Variants in COPG2 observed in about 807,000 individuals in gnomAD.
COPG2 encodes the protein coat protein complex I subunit gamma 2, also known as coatomer subunit gamma-2.
In COPG2, 37 loss-of-function variants were observed where a neutral mutation model predicts 46.3. The observed-to-expected ratio is 0.80, with a 90% CI of 0.61 to 1.05. The LOEUF (loss-of-function observed/expected upper bound fraction) is 1.05, where lower values mean the gene tolerates loss of function less well. COPG2 is among the 50% of genes least tolerant of loss of function. COPG2 has a pLI of 0.00. For missense variants in COPG2, 427 were observed against 387.8 expected, an observed-to-expected ratio of 1.10 and a Z score of -0.85; for synonymous variants, 159 against 129.7, an observed-to-expected ratio of 1.23 and a Z score of -1.53.
At chr7:130,649,185 A>G (rs553207067) in intron 5 of COPG2, among the ~76,000 whole-genome samples, 1 of 152,300 alleles carries the variant, frequency 6.6e-6, no homozygotes, top group East Asian at 1.9e-4. Context: ...GTGTGAGTGA[A>G]TGCTCTGACC....
At chr7:130,636,530 T>G (rs868991621) in intron 5 of COPG2, among the ~76,000 whole-genome samples, 5 of 142,756 alleles carry the variant, frequency 3.5e-5, no homozygotes, top group African/African-American at 1.3e-4. Flanking sequence ...AGACTAGGAT[T>G]GCAACCGGTT....
chr7:130,655,312 T>C (rs1373134897), intron 4 of COPG2, among the ~76,000 whole-genome samples: 5 of 152,182 alleles, frequency 3.3e-5, no homozygotes, highest in Non-Finnish European at 7.4e-5. Flanking sequence ...TGTAAGGTTA[T>C]AGTATATTCC....
At chr7:130,580,794 AG>A (rs782432845) in intron 9 of COPG2, among the ~76,000 whole-genome samples, 9,470 of 124,886 alleles carry the variant, frequency 0.076, 367 homozygotes, top group African/African-American at 0.2. Flanking sequence ...AGACTAAACC[AG>A]GAAGAAGTTG....
intron 5 of COPG2, among the ~76,000 whole-genome samples, chr7:130,646,622 C>T (rs1442001720): frequency 1.3e-5 from 2 of 152,112 alleles, no homozygotes; most frequent in South Asian, 2.1e-4. Flanking sequence ...TCATCTCCAC[C>T]GAAATCTCAT....
intron 4 of COPG2, among the ~76,000 whole-genome samples, chr7:130,661,004 C>A (rs973148519): frequency 6.6e-6 from 1 of 152,200 alleles, no homozygotes; most frequent in Non-Finnish European, 1.5e-5. Context: ...TAAATCCTAT[C>A]TCTAAGCCTT....
chr7:130,551,161 T>C (rs1793530448), intron 16 of COPG2, 80 bp downstream of exon 16: 1 of 396,590 alleles, frequency 2.5e-6, no homozygotes, highest in East Asian at 3.6e-5. Flanking sequence ...CTAGTGAAGT[T>C]AGCTCATATG....
intron 9 of COPG2, among the ~76,000 whole-genome samples, chr7:130,601,161 G>C (rs921402367): frequency 3.9e-5 from 6 of 152,164 alleles, no homozygotes; most frequent in African/African-American, 1.4e-4. Context: ...AAAAAGTCAG[G>C]AAACAACAGA....
chr7:130,638,077 G>A (rs1482867521), intron 5 of COPG2, among the ~76,000 whole-genome samples: 19 of 152,244 alleles, frequency 1.2e-4, no homozygotes, highest in African/African-American at 2.9e-4. Context: ...AAAGATTGCC[G>A]CCTGTTCCTT....
chr7:130,629,922 C>CT (rs782471896), intron 5 of COPG2, among the ~76,000 whole-genome samples: 126 of 142,484 alleles, frequency 8.8e-4, no homozygotes, highest in Admixed American at 1.4e-3. Flanking sequence ...CTTTCCTTTC[C>CT]TTTTTTTTTT....
At chr7:130,540,947 C>A (rs1217296066) in intron 20 of COPG2, among the ~76,000 whole-genome samples, 2 of 152,064 alleles carry the variant, frequency 1.3e-5, no homozygotes, top group Non-Finnish European at 2.9e-5. Flanking sequence ...TAGACAATAG[C>A]AAAAGAAGAA....
At chr7:130,566,544 T>C (rs1260173270) in intron 9 of COPG2, among the ~76,000 whole-genome samples, 3 of 152,034 alleles carry the variant, frequency 2.0e-5, no homozygotes, top group Non-Finnish European at 2.9e-5. Flanking sequence ...TGAGAGAGAG[T>C]TGGCGGCTCT....
intron 9 of COPG2, chr7:130,603,919 GTTCA>G (rs1794683600): frequency 2.0e-6 from 1 of 500,572 alleles, no homozygotes; most frequent in East Asian, 5.7e-5. Flanking sequence ...AACAAAAATA[GTTCA>G]TTAACACGTT....
intron 20 of COPG2, among the ~76,000 whole-genome samples, chr7:130,532,390 G>A (rs1005473223): frequency 2.6e-5 from 4 of 152,080 alleles, no homozygotes; most frequent in Non-Finnish European, 5.9e-5. Context: ...GAGGGAAGGC[G>A]CAAAGGGGAA....
At position 130,612,248 on chromosome 7, in the gene COPG2, GA is replaced by G. The variant is rs34699820; in HGVS notation, c.493-11del. 0.7 allele frequency: 769,359 copies of G among 1,091,748 alleles called. 243,645 individuals carry two copies. Among genetic ancestry groups the G allele is most frequent in the Non-Finnish European group, 0.72 (564,205 of 786,320 alleles). 67.6% of individuals were successfully genotyped at this position (1,091,748 alleles called of 1,614,324 possible). On this transcript the variant is annotated splice_polypyrimidine_tract_variant and intron_variant, in intron 7 of 23. Transcript: ENST00000425248. ...TTATCTTCATCATGTGCTAAATACAGAAAAAAAAAAATGAGAATAAATAATG... is the reference window on the plus strand; with the variant it reads ...TTATCTTCATCATGTGCTAAATACAGAAAAAAAAAATGAGAATAAATAATG...
At chr7:130,575,886 C>A (rs1467015306) in intron 9 of COPG2, among the ~76,000 whole-genome samples, 3 of 152,122 alleles carry the variant, frequency 2.0e-5, no homozygotes, top group African/African-American at 7.2e-5. Flanking sequence ...ATACCTCATG[C>A]AAATGGACAC....
intron 9 of COPG2, among the ~76,000 whole-genome samples, chr7:130,582,254 C>G (rs1383679529): frequency 1.3e-5 from 2 of 149,050 alleles, no homozygotes; most frequent in Non-Finnish European, 3.0e-5. Context: ...GGAAAGGATT[C>G]CCTATTTAAT....
At chr7:130,530,488 T>C (rs1453181949) in intron 20 of COPG2, among the ~76,000 whole-genome samples, 2 of 152,116 alleles carry the variant, frequency 1.3e-5, no homozygotes, top group African/African-American at 4.8e-5. Flanking sequence ...CAGAAAACAG[T>C]TCTTGAAGAG....
intron 20 of COPG2, among the ~76,000 whole-genome samples, chr7:130,539,961 A>G (rs1159825371): frequency 2.6e-5 from 4 of 152,124 alleles, no homozygotes; most frequent in Non-Finnish European, 4.4e-5. Flanking sequence ...GGCTGCTCTT[A>G]AAGCCTTGAA....
intron 20 of COPG2, among the ~76,000 whole-genome samples, chr7:130,542,922 G>A (rs889254966): frequency 1.7e-4 from 26 of 152,280 alleles, no homozygotes; most frequent in African/African-American, 5.5e-4. Context: ...TGGTATGTTC[G>A]GTATCATGGC....
Sources: gnomAD v4.1 joint callset for allele counts (sites outside exome capture counted in the v4.1 genomes callset) on GRCh38, gnomAD v4.1.1 for gene constraint, MANE v1.5 for transcripts, NCBI Gene and HGNC (gene_info 2026-07-23, HGNC 2026-07-21) for gene names.